ADAMTS12: variants seen among roughly 807,000 people sequenced by gnomAD.
ADAMTS12 encodes the protein A disintegrin and metalloproteinase with thrombospondin motifs 12.
A neutral mutation model predicts 167.8 loss-of-function variants in ADAMTS12; 118 were observed. The observed-to-expected ratio is 0.70, with a 90% confidence interval of 0.61 to 0.82. The LOEUF (loss-of-function observed/expected upper bound fraction) is 0.82, where lower values mean the gene tolerates loss of function less well. Among genes scored for constraint, ADAMTS12 ranks in the 40% least tolerant of loss-of-function variants. The pLI is 0.00. For synonymous variants in ADAMTS12, 704 were observed against 716.9 expected (o/e 0.98, Z 0.29); for missense variants, 1,916 against 1,998.8 (o/e 0.96, Z 0.79).
At chr5:33,647,488 T>C (rs1157159279) in intron 9 of ADAMTS12, among the ~76,000 whole-genome samples, 1 of 152,172 alleles carries the variant, frequency 6.6e-6, no homozygotes, top group Non-Finnish European at 1.5e-5. Flanking sequence ...CCCAGCACTT[T>C]GGGAGGCCAA....
intron 2 of ADAMTS12, among the ~76,000 whole-genome samples, chr5:33,848,994 T>C: frequency 6.6e-6 from 1 of 150,684 alleles, no homozygotes; most frequent in African/African-American, 2.4e-5. Context: ...TATATATATG[T>C]ATTGCATAGC....
In ADAMTS12 at chr5:33,789,385, T is replaced by C. The variant is rs958719067; in HGVS notation, c.490-37837A>G. On this transcript the variant is annotated intron_variant, in intron 2 of 23. Coordinates refer to ENST00000504830, the MANE Select transcript of ADAMTS12 (RefSeq NM_030955.4). ...AGAGTGAGCCATCTCCAAGGAGAGG[T>C]TGGAGATGGAACAGCCACCATTGTC... is the stretch of plus-strand genomic sequence containing the variant. 6.6e-5 allele frequency among the ~76,000 whole-genome samples: 10 copies of C among 152,152 alleles called. No individual in the cohort carries two copies. In the East Asian group the frequency reaches 1.5e-3, roughly 23 times the overall value.
At chr5:33,847,978 G>A (rs1044556472) in intron 2 of ADAMTS12, among the ~76,000 whole-genome samples, 3 of 152,132 alleles carry the variant, frequency 2.0e-5, no homozygotes, top group East Asian at 3.9e-4. Context: ...ACTTAGGGAG[G>A]CCAAGGTGGT....
chr5:33,768,681 C>T (rs372628710), intron 2 of ADAMTS12, among the ~76,000 whole-genome samples: 2 of 151,950 alleles, frequency 1.3e-5, no homozygotes, highest in African/African-American at 4.8e-5. Context: ...TGGGTTTTAG[C>T]TATAATTTAT....
At chr5:33,640,845 G>A (rs1056956429) in intron 11 of ADAMTS12, among the ~76,000 whole-genome samples, 5 of 149,124 alleles carry the variant, frequency 3.4e-5, no homozygotes, top group Non-Finnish European at 1.5e-5. Flanking sequence ...TATATGTAAT[G>A]TATACATGCA....
At chr5:33,536,547 G>T (rs893302933) in intron 22 of ADAMTS12, among the ~76,000 whole-genome samples, 2 of 152,104 alleles carry the variant, frequency 1.3e-5, no homozygotes, top group African/African-American at 4.8e-5. Flanking sequence ...GAGAACAAGG[G>T]CAAATGTATA....
intron 3 of ADAMTS12, among the ~76,000 whole-genome samples, chr5:33,691,456 A>C (rs1742543981): frequency 6.6e-6 from 1 of 152,222 alleles, no homozygotes; most frequent in African/African-American, 2.4e-5. Flanking sequence ...GAAGGGGAGC[A>C]AAGTCTTATC....
chr5:33,557,015 G>A (rs1745515651), intron 20 of ADAMTS12, among the ~76,000 whole-genome samples: 1 of 152,190 alleles, frequency 6.6e-6, no homozygotes, highest in Non-Finnish European at 1.5e-5. Flanking sequence ...CCTGACATAT[G>A]TATATGAGAA....
chr5:33,575,972 C>G, intron 19 of ADAMTS12, 82 bp downstream of exon 19: 1 of 1,516,038 alleles, frequency 6.6e-7, no homozygotes, highest in Non-Finnish European at 8.8e-7. Context: ...TTAATGCAAA[C>G]TCATTTTGAA....
chr5:33,698,459 TC>T (rs1424975772), intron 3 of ADAMTS12, among the ~76,000 whole-genome samples: 1 of 152,154 alleles, frequency 6.6e-6, no homozygotes, highest in African/African-American at 2.4e-5. Flanking sequence ...AGAATGCCAA[TC>T]AGATAAGCTG....
rs114356701 is a variant in ADAMTS12, at chr5:33,819,640, A to G, written c.489+61479T>C. Among the ~76,000 whole-genome samples, 513 of 152,140 alleles carry G rather than the reference A, an allele frequency of 3.4e-3. 1 individual carries two copies. The highest frequency in any genetic ancestry group is 0.012 in the African/African-American group (499 of 41,516). On this transcript the variant is annotated intron_variant, in intron 2 of 23. Transcript: ENST00000504830. ...TAGTTCTGTGAAGAACACCATTGAA[A>G]TTTTCATAGGAATTGTGTTAAGTCT...
rs780815838 is a variant in ADAMTS12, at chr5:33,534,787, A to G, written c.4606+46T>C. 1.9e-6 allele frequency: 3 copies of G among 1,572,040 alleles called. No homozygotes were observed. The Admixed American group carries it at 5.8e-5, about 31-fold the overall frequency. On this transcript the variant is annotated intron_variant, in intron 23 of 23. Transcript: ENST00000504830. Reference sequence around the variant, plus strand: ...TACAAGTTGTATCATGCAGGATGACATTTGTGCAAAGATCTCTTTCTCCCC... The same window carrying G: ...TACAAGTTGTATCATGCAGGATGACGTTTGTGCAAAGATCTCTTTCTCCCC...
chr5:33,845,427 A>G (rs1339768694), intron 2 of ADAMTS12, among the ~76,000 whole-genome samples: 1 of 152,250 alleles, frequency 6.6e-6, no homozygotes, highest in Admixed American at 6.5e-5. Flanking sequence ...CCCACTGACC[A>G]AACTGAGATA....
chr5:33,562,918 C>T (rs1411284759), intron 19 of ADAMTS12, among the ~76,000 whole-genome samples: 4 of 152,072 alleles, frequency 2.6e-5, no homozygotes, highest in Non-Finnish European at 5.9e-5. Flanking sequence ...AGGCATGAGT[C>T]ACCACGCCTG....
intron 2 of ADAMTS12, among the ~76,000 whole-genome samples, chr5:33,822,572 G>C (rs1443819476): frequency 6.6e-6 from 1 of 152,058 alleles, no homozygotes; most frequent in African/African-American, 2.4e-5. Flanking sequence ...CCTGCAAATG[G>C]CTGGTGGGTT....
At chr5:33,849,015 T>G (rs1283690376) in intron 2 of ADAMTS12, among the ~76,000 whole-genome samples, 1 of 150,020 alleles carries the variant, frequency 6.7e-6, no homozygotes, top group African/African-American at 2.4e-5. Context: ...AATATATATA[T>G]ATGTATTGCA....
chr5:33,588,369 A>C (rs1421813248), intron 18 of ADAMTS12, among the ~76,000 whole-genome samples: 1 of 152,078 alleles, frequency 6.6e-6, no homozygotes, highest in Non-Finnish European at 1.5e-5. Context: ...TGGGGGGTCT[A>C]CCTCACCCCT....
intron 19 of ADAMTS12, among the ~76,000 whole-genome samples, chr5:33,569,495 T>C (rs1227214115): frequency 6.6e-6 from 1 of 152,108 alleles, no homozygotes; most frequent in Non-Finnish European, 1.5e-5. Flanking sequence ...GGGTCTGGAG[T>C]GGACCTCTAG....
Position 33,669,230 on chromosome 5 carries a change from TA to T in ADAMTS12, c.916-7191del, listed in dbSNP as rs1328526721. On this transcript the variant is annotated intron_variant, in intron 5 of 23. Coordinates refer to ENST00000504830, the MANE Select transcript of ADAMTS12 (RefSeq NM_030955.4). ...TTATGATTTCTAAAGCTATTTTCCA[TA>T]AAAAAGAATACTCTTTCTCCAGTCT... 3.9e-5 allele frequency among the ~76,000 whole-genome samples: 6 copies of T among 152,274 alleles called. No homozygotes were observed. In the East Asian group the frequency reaches 9.7e-4, roughly 25 times the overall value.
Sources: gnomAD v4.1 joint callset for allele counts (sites outside exome capture counted in the v4.1 genomes callset) on GRCh38, gnomAD v4.1.1 for gene constraint, MANE v1.5 for transcripts, NCBI Gene and HGNC (gene_info 2026-07-23, HGNC 2026-07-21) for gene names.